Variants in HTT observed in about 807,000 individuals in gnomAD.
The protein encoded by HTT is huntingtin.
Under a neutral mutation model 362.3 loss-of-function variants are expected in HTT, and 104 were observed. That is an observed-to-expected ratio of 0.29 (90% CI 0.24 to 0.34). HTT has a LOEUF of 0.34. Ranked by LOEUF, HTT falls within the 10% of genes least tolerant of loss-of-function variation. HTT has a pLI of 1.00. For synonymous variants in HTT, 1,577 were observed against 1,548.7 expected (o/e 1.02, Z -0.43); for missense variants, 3,301 against 3,928.6 (o/e 0.84, Z 4.27).
In HTT at chr4:3,242,203, C is replaced by T. The variant is rs1242629009; in HGVS notation, c.*2144C>T. The T allele has an allele frequency of 8.5e-5, 13 of 152,148 alleles. No individual in the cohort carries two copies. Among genetic ancestry groups the T allele is most frequent in the African/African-American group, 1.9e-4 (8 of 41,408 alleles). 9.4% of individuals were successfully genotyped at this position (152,148 alleles called of 1,614,324 possible). ...AGAGCCATTCCCTTGGAATGCATAT[C>T]GCTGGGCTCAACATAGAGTTTGTCT... On this transcript the variant is annotated 3_prime_UTR_variant, in exon 67 of 67. Coordinates refer to ENST00000355072, the MANE Select transcript of HTT (RefSeq NM_001388492.1).
chr4:3,229,643 GCACA>G (rs957485244), intron 59 of HTT, among the ~76,000 whole-genome samples: 12 of 148,832 alleles, frequency 8.1e-5, no homozygotes, highest in African/African-American at 7.5e-5. Flanking sequence ...CACCACATGC[GCACA>G]CACACACCAC....
intron 24 of HTT, among the ~76,000 whole-genome samples, chr4:3,145,652 A>G (rs995880818): frequency 6.6e-6 from 1 of 152,200 alleles, no homozygotes; most frequent in Non-Finnish European, 1.5e-5. Flanking sequence ...TTTAAAAATG[A>G]TTTTCCTCCA....
chr4:3,116,732 C>T (rs1024647338), intron 8 of HTT, among the ~76,000 whole-genome samples: 12 of 152,210 alleles, frequency 7.9e-5, no homozygotes, highest in African/African-American at 2.2e-4. Context: ...TTTGGGGTGT[C>T]GGAACAAAAT....
chr4:3,182,387 T>C lies in HTT; in HGVS notation c.4783T>C (p.Cys1595Arg). ...LEMFILVLQQ[C>R]HKENEDKWKR... is the part of the protein sequence containing the mutation. The stretch of plus-strand genomic sequence containing the variant: ...GATGTTCATTCTTGTCCTGCAGCAG[T>C]GCCACAAGGAGAATGAAGACAAGTG... Residue 1595 changes from cysteine to arginine, a missense_variant, in exon 37 of 67, where the codon TGC (cysteine) becomes CGC (arginine). Transcript: ENST00000355072. The C allele has an allele frequency of 6.2e-7, 1 of 1,613,816 alleles. No individual in the cohort carries two copies. The highest frequency in any genetic ancestry group is 8.5e-7 in the Non-Finnish European group (1 of 1,179,698).
At chr4:3,210,655 G>T (rs913192026) in intron 47 of HTT, among the ~76,000 whole-genome samples, 2 of 152,178 alleles carry the variant, frequency 1.3e-5, no homozygotes, top group African/African-American at 4.8e-5. Context: ...CCCAAGCAGG[G>T]CTTCTTCTCA....
intron 29 of HTT, among the ~76,000 whole-genome samples, chr4:3,166,406 A>G (rs898252895): frequency 6.6e-5 from 10 of 152,342 alleles, no homozygotes; most frequent in East Asian, 3.9e-4. Context: ...TCTGTTCATT[A>G]TCGGAGCTTG....
chr4:3,135,535 C>T (rs574787293), intron 19 of HTT, among the ~76,000 whole-genome samples: 21 of 151,532 alleles, frequency 1.4e-4, no homozygotes, highest in Non-Finnish European at 2.4e-4. Flanking sequence ...GGCTTGTTCT[C>T]GGCTCCACCC....
At chr4:3,186,042 A>G (rs1026192405) in intron 37 of HTT, among the ~76,000 whole-genome samples, 4 of 152,222 alleles carry the variant, frequency 2.6e-5, no homozygotes, top group Non-Finnish European at 4.4e-5. Context: ...TGAGAAGAGC[A>G]GAGACGTTTA....
rs76788103 is a variant in HTT, at chr4:3,109,855, G to A, written c.747+2432G>A. Among the ~76,000 whole-genome samples, 1,076 of 152,190 alleles carry A rather than the reference G, an allele frequency of 7.1e-3. 15 individuals carry two copies. The highest frequency in any genetic ancestry group is 0.024 in the African/African-American group (989 of 41,510). On this transcript the variant is annotated intron_variant, in intron 6 of 66. Coordinates refer to ENST00000355072, the MANE Select transcript of HTT (RefSeq NM_001388492.1). ...CCTACTCATAGGCCAGGCCCCTATC[G>A]AAGTTCTAGGTGACCCAGTGCTGGG... is the stretch of plus-strand genomic sequence containing the variant.
chr4:3,185,130 C>T (rs1041065330), intron 37 of HTT, among the ~76,000 whole-genome samples: 6 of 152,064 alleles, frequency 3.9e-5, no homozygotes, highest in South Asian at 2.1e-4. Context: ...GAAGAGGGAA[C>T]GGAGAAATAG....
At chr4:3,207,571 C>T (rs566804471) in intron 45 of HTT, among the ~76,000 whole-genome samples, 4 of 152,312 alleles carry the variant, frequency 2.6e-5, no homozygotes, top group African/African-American at 7.2e-5. Context: ...ACGTCTGTGA[C>T]GTGAGTGGAG....
At position 3,074,727 on chromosome 4, in the gene HTT, T is replaced by C; in HGVS notation, c.-99T>C. The C allele has an allele frequency of 7.6e-7, 1 of 1,309,648 alleles. No individual in the cohort carries two copies. The highest frequency in any genetic ancestry group is 1.4e-5 in the South Asian group (1 of 72,494). The allele number at this position is 1,309,648 out of a possible 1,614,324, so 81.1% of individuals were successfully genotyped here. ...TGGACGGCCGCTCAGGTTCTGCTTT[T>C]ACCTGCGGCCCAGAGCCCCATTCAT... On this transcript the variant is annotated 5_prime_UTR_variant, in exon 1 of 67. Transcript: ENST00000355072.
At chr4:3,233,113 G>A in intron 60 of HTT, 50 bp from the exon 61 acceptor site, 1 of 1,490,802 alleles carries the variant, frequency 6.7e-7, no homozygotes, top group Middle Eastern at 2.3e-4. Context: ...AGGAGCCACT[G>A]GGACGTGAGC....
In HTT at chr4:3,218,065, T is replaced by G; in HGVS notation, c.7242+113T>G. On this transcript the variant is annotated intron_variant, in intron 52 of 66. Transcript: ENST00000355072. The surrounding 1 kb of genome is among the most constrained non-coding windows in gnomAD (Gnocchi z 4.4). ...GAATCCCCGCAGCCCAGAGGCTGCC[T>G]GCTGTGGTTCTGGTGCCCACTGTGG... 3.3e-6 allele frequency: 3 copies of G among 916,872 alleles called. No individual in the cohort carries two copies. The highest frequency in any genetic ancestry group is 4.8e-6 in the Non-Finnish European group (3 of 624,850). 56.8% of individuals were successfully genotyped at this position (916,872 alleles called of 1,614,324 possible). A position where few individuals can be genotyped will look rare whatever the true frequency, so the allele number is the denominator to read the frequency against.
Position 3,150,388 on chromosome 4 carries a change from TCTC to T in HTT, c.3498+2184_3498+2186del, listed in dbSNP as rs537785513. 1.7e-3 allele frequency among the ~76,000 whole-genome samples: 254 copies of T among 152,286 alleles called. 2 individuals are homozygous for T. Among genetic ancestry groups the T allele is most frequent in the Admixed American group, 3.0e-3 (46 of 15,286 alleles). On this transcript the variant is annotated intron_variant, in intron 26 of 66. Transcript: ENST00000355072. ...AGGGCAGCCTGAGAGTCGGGGCTGT[TCTC>T]CTGTCTTCAGTGTCTAGATGAGGGA...
chr4:3,114,272 A>T (rs1714911967), intron 6 of HTT, among the ~76,000 whole-genome samples: 1 of 152,240 alleles, frequency 6.6e-6, no homozygotes, highest in African/African-American at 2.4e-5. Context: ...CCTTGCCCTC[A>T]TTCCTGTCAA....
intron 23 of HTT, among the ~76,000 whole-genome samples, chr4:3,143,436 CAAAA>C (rs1056047426): frequency 0.036 from 2,552 of 70,140 alleles, 44 homozygotes; most frequent in African/African-American, 0.11. Context: ...GACTCTGTCT[CAAAA>C]AAAAAAAAAA....
chr4:3,122,560 GA>G (rs1715343107), intron 9 of HTT, among the ~76,000 whole-genome samples: 1 of 152,158 alleles, frequency 6.6e-6, no homozygotes, highest in Non-Finnish European at 1.5e-5. Context: ...ATAATGAGTG[GA>G]AATACCCATC....
At chr4:3,120,118 A>G (rs781055615) in intron 8 of HTT, among the ~76,000 whole-genome samples, 26 of 152,314 alleles carry the variant, frequency 1.7e-4, no homozygotes, top group Admixed American at 7.8e-4. Flanking sequence ...GAGACTTTTT[A>G]CTTTATACTC....
Sources: gnomAD v4.1 joint callset for allele counts (sites outside exome capture counted in the v4.1 genomes callset) on GRCh38, gnomAD v4.1.1 for gene constraint, Gnocchi (gnomAD v3.1) non-coding constraint, MANE v1.5 for transcripts, NCBI Gene and HGNC (gene_info 2026-07-23, HGNC 2026-07-21) for gene names.